Variants in ZFAND3 observed in about 807,000 individuals in gnomAD.
The protein encoded by ZFAND3 is AN1-type zinc finger protein 3.
A neutral mutation model predicts 29.6 loss-of-function variants in ZFAND3; 10 were observed. The ratio of observed to expected loss-of-function variants is 0.34; its 90% CI spans 0.21 to 0.57. ZFAND3 has a LOEUF of 0.57. Ranked by LOEUF, ZFAND3 falls within the 20% of genes least tolerant of loss-of-function variation. ZFAND3 has a pLI of 0.86. For synonymous variants in ZFAND3, 128 were observed against 112.6 expected, an observed-to-expected ratio of 1.14 and a Z score of -0.87; for missense variants, 230 against 304.5, an observed-to-expected ratio of 0.76 and a Z score of 1.82.
chr6:37,997,387 A>C (rs754619105), intron 2 of ZFAND3, among the ~76,000 whole-genome samples: 1 of 152,180 alleles, frequency 6.6e-6, no homozygotes, highest in Non-Finnish European at 1.5e-5. Flanking sequence ...GTAATGATAG[A>C]AGAGGGTTAA....
intron 2 of ZFAND3, among the ~76,000 whole-genome samples, chr6:37,959,349 A>G (rs1762155165): frequency 1.3e-5 from 2 of 152,238 alleles, no homozygotes; most frequent in Admixed American, 1.3e-4. Context: ...CTTCATCAAA[A>G]TGGAAATGTT....
At chr6:38,055,972 A>T (rs1472830601) in intron 2 of ZFAND3, among the ~76,000 whole-genome samples, 1 of 152,198 alleles carries the variant, frequency 6.6e-6, no homozygotes, top group African/African-American at 2.4e-5. Flanking sequence ...AATGTAGGAG[A>T]CTGACAAGTG....
chr6:37,853,152 T>G (rs1764312863), intron 1 of ZFAND3, among the ~76,000 whole-genome samples: 1 of 152,050 alleles, frequency 6.6e-6, no homozygotes, highest in Admixed American at 6.6e-5. Flanking sequence ...AATAGTAATG[T>G]ATGTGGAATT....
intron 2 of ZFAND3, among the ~76,000 whole-genome samples, chr6:37,980,163 C>CTT (rs5875605): frequency 4.0e-4 from 57 of 141,600 alleles, no homozygotes; most frequent in South Asian, 9.1e-4. Flanking sequence ...AGGTCACTGT[C>CTT]TTTTTTTTTT....
At position 38,061,646 on chromosome 6, in the gene ZFAND3, C is replaced by G. The variant is rs780957250; in HGVS notation, c.166C>G (p.Gln56Glu). ...TTCCGCTCCAAGTACAAGTAACAGC[C>G]AATCAGATTTGTTTTCCGAAGAGAC... ...DDSAPSTSNS[Q>E]SDLFSEETTS... The change falls in exon 3 of 6, where the codon CAA becomes GAA. Residue 56 changes from glutamine (Q) to glutamate (E), a missense_variant. By Grantham distance (29) the Gln-to-Glu change is conservative (BLOSUM62 2). Around this residue, in one of 2 missense-constraint regions of ZFAND3, gnomAD observed 180 missense variants for 202.5 expected, o/e 0.89. Coordinates refer to ENST00000287218, the MANE Select transcript of ZFAND3 (RefSeq NM_021943.3). The G allele has an allele frequency of 3.1e-6, 5 of 1,614,020 alleles. No homozygotes were observed. The highest frequency in any genetic ancestry group is 2.2e-5 in the South Asian group (2 of 91,074).
At chr6:37,876,407 C>T (rs1419491389) in intron 1 of ZFAND3, among the ~76,000 whole-genome samples, 1 of 152,142 alleles carries the variant, frequency 6.6e-6, no homozygotes, top group Non-Finnish European at 1.5e-5. Flanking sequence ...GTGAAGTCAT[C>T]TCAGTCAGCA....
intron 2 of ZFAND3, among the ~76,000 whole-genome samples, chr6:37,966,505 G>A (rs1467475109): frequency 6.6e-6 from 1 of 152,018 alleles, no homozygotes; most frequent in Non-Finnish European, 1.5e-5. Flanking sequence ...AGGCCTTGCG[G>A]TTCATAAGTG....
At chr6:37,895,020 G>A (rs1765173015) in intron 1 of ZFAND3, among the ~76,000 whole-genome samples, 1 of 152,068 alleles carries the variant, frequency 6.6e-6, no homozygotes, top group Admixed American at 6.5e-5. Flanking sequence ...GTTTTGTAGA[G>A]ATTTTTGGAT....
At chr6:38,150,136 C>T (rs552620723) in intron 5 of ZFAND3, among the ~76,000 whole-genome samples, 1 of 152,290 alleles carries the variant, frequency 6.6e-6, no homozygotes, top group East Asian at 1.9e-4. Context: ...CTGCAAAATC[C>T]TTTAGGAGAA....
intron 2 of ZFAND3, among the ~76,000 whole-genome samples, chr6:37,944,845 G>A (rs1761872811): frequency 6.6e-6 from 1 of 152,184 alleles, no homozygotes. Context: ...TTGGAAAATA[G>A]TGAAATGTAC....
At chr6:37,913,723 T>TG (rs1561931964) in intron 1 of ZFAND3, among the ~76,000 whole-genome samples, 1 of 149,362 alleles carries the variant, frequency 6.7e-6, no homozygotes, top group Admixed American at 6.7e-5. Flanking sequence ...TTTTTTTTTT[T>TG]TTTTGAGACA....
In ZFAND3 at chr6:38,099,213, A is replaced by C. The variant is rs185187322; in HGVS notation, c.361+16756A>C. Reference sequence around the variant, plus strand: ...CTGTTGCATCCAAACCAACAACATGAGAAGATACTTTAGCCAATAAATTCA... The same window carrying C: ...CTGTTGCATCCAAACCAACAACATGCGAAGATACTTTAGCCAATAAATTCA... On this transcript the variant is annotated intron_variant, in intron 4 of 5. Coordinates refer to ENST00000287218, the MANE Select transcript of ZFAND3 (RefSeq NM_021943.3). 1.9e-3 allele frequency among the ~76,000 whole-genome samples: 297 copies of C among 152,324 alleles called. 3 individuals are homozygous for C. The highest frequency in any genetic ancestry group is 6.8e-3 in the African/African-American group (283 of 41,564).
At chr6:38,138,772 G>A (rs1246646458) in intron 5 of ZFAND3, among the ~76,000 whole-genome samples, 2 of 152,304 alleles carry the variant, frequency 1.3e-5, no homozygotes, top group East Asian at 1.9e-4. Flanking sequence ...CTCACACTGA[G>A]GCAGAGAAGA....
At chr6:37,888,977 C>T (rs1454959910) in intron 1 of ZFAND3, among the ~76,000 whole-genome samples, 3 of 152,188 alleles carry the variant, frequency 2.0e-5, no homozygotes, top group Non-Finnish European at 4.4e-5. Flanking sequence ...TGGAAGCAAA[C>T]CTTTTTTGCA....
chr6:37,864,738 T>TACACACAC lies in ZFAND3; in HGVS notation c.71+44748_71+44755dup, dbSNP rs70977698. Among the ~76,000 whole-genome samples, 73 of 148,982 alleles carry TACACACAC rather than the reference T, an allele frequency of 4.9e-4. 1 individual carries two copies. The highest frequency in any genetic ancestry group is 1.3e-3 in the Admixed American group (19 of 14,896). On this transcript the variant is annotated intron_variant, in intron 1 of 5. Transcript: ENST00000287218. ...TTATGTATGTTTATATATGTGGTTA[T>TACACACAC]ACACACACACACACACACACACACA...
chr6:37,932,749 T>C (rs759236362), intron 2 of ZFAND3, among the ~76,000 whole-genome samples: 6 of 152,242 alleles, frequency 3.9e-5, no homozygotes, highest in Admixed American at 6.5e-5. Flanking sequence ...TGTTACAGTT[T>C]TACTTTCTGT....
chr6:37,975,794 T>C (rs1447244530), intron 2 of ZFAND3, among the ~76,000 whole-genome samples: 4 of 152,226 alleles, frequency 2.6e-5, no homozygotes, highest in Non-Finnish European at 4.4e-5. Context: ...ATAAACTTTA[T>C]AATAATTCTT....
chr6:37,977,723 G>A (rs1168400313), intron 2 of ZFAND3, among the ~76,000 whole-genome samples: 1 of 150,416 alleles, frequency 6.6e-6, no homozygotes, highest in Non-Finnish European at 1.5e-5. Flanking sequence ...TTTCACAGAT[G>A]CTCTTGATTA....
chr6:37,912,101 G>A (rs1765534452), intron 1 of ZFAND3, among the ~76,000 whole-genome samples: 1 of 151,028 alleles, frequency 6.6e-6, no homozygotes, highest in African/African-American at 2.4e-5. Context: ...GTTTGTGAGA[G>A]GTGGCAAGTT....
Sources: allele counts gnomAD v4.1 joint callset (sites outside exome capture counted in the v4.1 genomes callset), GRCh38; gene constraint gnomAD v4.1.1; regional missense constraint gnomAD v4.1.1; transcripts MANE v1.5; gene names NCBI Gene and HGNC (gene_info 2026-07-23, HGNC 2026-07-21).